Variants in DPYD observed in about 807,000 individuals in gnomAD.
The protein encoded by DPYD is dihydropyrimidine dehydrogenase [NADP(+)].
DPYD carries 109 observed loss-of-function variants against 116.2 expected under a neutral mutation model. The ratio of observed to expected loss-of-function variants is 0.94; its 90% CI spans 0.80 to 1.10. The LOEUF is 1.10. Among genes scored for constraint, DPYD ranks in the 50% least tolerant of loss-of-function variants. DPYD has a pLI of 0.00. For missense variants in DPYD, 1,302 were observed against 1,254.5 expected (o/e 1.04, Z -0.57); for synonymous variants, 440 against 432.0 (o/e 1.02, Z -0.23).
At chr1:97,724,953 A>AAGAGAAAGAGAG (rs1663152960) in intron 4 of DPYD, among the ~76,000 whole-genome samples, 1 of 118,826 alleles carries the variant, frequency 8.4e-6, no homozygotes, top group African/African-American at 3.3e-5. Flanking sequence ...GAGGGAAGGA[A>AAGAGAAAGAGAG]AGAGAGAGAG....
At chr1:97,879,846 T>C (rs894550296) in intron 2 of DPYD, among the ~76,000 whole-genome samples, 1 of 151,856 alleles carries the variant, frequency 6.6e-6, no homozygotes, top group Non-Finnish European at 1.5e-5. Context: ...TAGCATTCAA[T>C]ACAGTGCCTG....
intron 3 of DPYD, among the ~76,000 whole-genome samples, chr1:97,778,030 C>G (rs1423557806): frequency 1.3e-5 from 2 of 151,390 alleles, no homozygotes; most frequent in Non-Finnish European, 2.9e-5. Context: ...TGGTAGCACA[C>G]GTCTGTAGTC....
intron 20 of DPYD, among the ~76,000 whole-genome samples, chr1:97,126,258 T>G (rs1160072861): frequency 2.6e-5 from 4 of 152,170 alleles, no homozygotes; most frequent in Admixed American, 1.3e-4. Context: ...AACTTCTAGA[T>G]GTATCTGACA....
At chr1:97,707,437 T>G (rs1237691305) in intron 5 of DPYD, among the ~76,000 whole-genome samples, 1 of 75,736 alleles carries the variant, frequency 1.3e-5, no homozygotes, top group Non-Finnish European at 2.4e-5. Context: ...GTGCTATCCC[T>G]CCCCCCTCCC....
chr1:97,305,874 T>C (rs1437669839), intron 17 of DPYD, among the ~76,000 whole-genome samples: 1 of 151,908 alleles, frequency 6.6e-6, no homozygotes, highest in Admixed American at 6.6e-5. Context: ...CATTATGAGG[T>C]CATTTATTTT....
chr1:97,118,857 A>G (rs759734892), intron 20 of DPYD, among the ~76,000 whole-genome samples: 9 of 152,112 alleles, frequency 5.9e-5, no homozygotes, highest in Non-Finnish European at 1.2e-4. Flanking sequence ...AATAACTCAC[A>G]TTTTGGTGGT....
chr1:97,430,636 A>G (rs1192273074), intron 14 of DPYD, among the ~76,000 whole-genome samples: 1 of 152,040 alleles, frequency 6.6e-6, no homozygotes, highest in Non-Finnish European at 1.5e-5. Context: ...ATAAAATACT[A>G]TGATGCACAT....
intron 8 of DPYD, among the ~76,000 whole-genome samples, chr1:97,648,875 C>T (rs1160351577): frequency 2.0e-5 from 3 of 151,998 alleles, no homozygotes; most frequent in Non-Finnish European, 2.9e-5. Flanking sequence ...CATACGGCTA[C>T]TGTTACCTCA....
At chr1:97,682,543 A>G (rs1269481998) in intron 7 of DPYD, among the ~76,000 whole-genome samples, 1 of 152,188 alleles carries the variant, frequency 6.6e-6, no homozygotes, top group Non-Finnish European at 1.5e-5. Context: ...TGACAACAAA[A>G]GTAAAGCTTT....
Position 97,836,101 on chromosome 1 carries a change from T to C in DPYD, c.151-7905A>G, listed in dbSNP as rs1669761667. Among the ~76,000 whole-genome samples, 3 of 152,274 alleles carry C rather than the reference T, an allele frequency of 2.0e-5. No homozygotes were observed. In the South Asian group the frequency reaches 6.2e-4, roughly 32 times the overall value. On this transcript the variant is annotated intron_variant, in intron 2 of 22. Coordinates refer to ENST00000370192, the MANE Select transcript of DPYD (RefSeq NM_000110.4). ...CCTTGATGGAGTTTTTGCTGAAGCA[T>C]CTGGCAATCCCTGCTAGACTAAGTG...
At chr1:97,870,233 C>G (rs1370182655) in intron 2 of DPYD, among the ~76,000 whole-genome samples, 1 of 151,772 alleles carries the variant, frequency 6.6e-6, no homozygotes, top group African/African-American at 2.4e-5. Flanking sequence ...ATATTCCATT[C>G]TGTCTCACTA....
chr1:97,738,744 T>A (rs1664099131), intron 4 of DPYD, among the ~76,000 whole-genome samples: 1 of 151,986 alleles, frequency 6.6e-6, no homozygotes, highest in Non-Finnish European at 1.5e-5. Flanking sequence ...TTAATCATCT[T>A]CAAATCTCTC....
intron 5 of DPYD, among the ~76,000 whole-genome samples, chr1:97,708,133 G>A (rs1458782997): frequency 1.3e-5 from 2 of 151,912 alleles, no homozygotes; most frequent in African/African-American, 2.4e-5. Context: ...ACCACACCCA[G>A]CTCAGAATTT....
intron 6 of DPYD, among the ~76,000 whole-genome samples, chr1:97,694,811 A>G (rs920045643): frequency 1.3e-5 from 2 of 152,222 alleles, no homozygotes; most frequent in Admixed American, 6.5e-5. Context: ...ATTCTAAATA[A>G]TATCACTAAT....
intron 7 of DPYD, among the ~76,000 whole-genome samples, chr1:97,687,394 T>C (rs563605893): frequency 6.6e-6 from 1 of 152,262 alleles, no homozygotes; most frequent in East Asian, 1.9e-4. Context: ...AATCATTCAA[T>C]CATTGGAGAA....
At chr1:97,888,705 CAG>C (rs1672626397) in intron 1 of DPYD, among the ~76,000 whole-genome samples, 1 of 150,864 alleles carries the variant, frequency 6.6e-6, no homozygotes, top group Admixed American at 6.6e-5. Flanking sequence ...CCAGAGAGAC[CAG>C]AGAGAAGTGG....
chr1:97,610,298 G>A (rs1405614176), intron 8 of DPYD, among the ~76,000 whole-genome samples: 3 of 151,830 alleles, frequency 2.0e-5, no homozygotes, highest in Admixed American at 6.6e-5. Context: ...GTAAGTGCAC[G>A]GTTAAGGAGA....
chr1:97,354,137 G>A (rs1670291990), intron 16 of DPYD, among the ~76,000 whole-genome samples: 1 of 152,228 alleles, frequency 6.6e-6, no homozygotes, highest in Non-Finnish European at 1.5e-5. Context: ...GCAGGTGTCA[G>A]GTGTTGTACC....
intron 8 of DPYD, among the ~76,000 whole-genome samples, chr1:97,642,156 T>G (rs1468551785): frequency 6.6e-6 from 1 of 151,984 alleles, no homozygotes; most frequent in Non-Finnish European, 1.5e-5. Flanking sequence ...ATCAATATGG[T>G]GAAAATGGCC....
Sources: allele counts gnomAD v4.1 joint callset (sites outside exome capture counted in the v4.1 genomes callset), GRCh38; gene constraint gnomAD v4.1.1; transcripts MANE v1.5; gene names NCBI Gene and HGNC (gene_info 2026-07-23, HGNC 2026-07-21).